The following ZHX2 variants were observed in gnomAD, a reference collection of about 807,000 sequenced individuals.
ZHX2 encodes zinc fingers and homeoboxes 2.
In ZHX2, 6 loss-of-function variants were observed where a neutral mutation model predicts 21.9. The ratio of observed to expected loss-of-function variants is 0.27; its 90% CI spans 0.15 to 0.54. ZHX2 has a LOEUF of 0.54. ZHX2 is among the 20% of genes least tolerant of loss of function. The pLI, the probability that ZHX2 is intolerant of heterozygous loss-of-function variation, is 0.95. For synonymous variants in ZHX2, 434 were observed against 437.1 expected, an observed-to-expected ratio of 0.99 and a Z score of 0.09; for missense variants, 908 against 1,090.7, an observed-to-expected ratio of 0.83 and a Z score of 2.36.
intron 2 of ZHX2, among the ~76,000 whole-genome samples, chr8:122,942,651 T>A (rs753069752): frequency 6.6e-6 from 1 of 151,824 alleles, no homozygotes; most frequent in Non-Finnish European, 1.5e-5. Context: ...ACTCCTCACC[T>A]CCCCCAGATG....
At chr8:122,930,907 T>C (rs4871326) in intron 2 of ZHX2, among the ~76,000 whole-genome samples, 91,423 of 151,752 alleles carry the variant, frequency 0.6, 27,638 homozygotes, top group Admixed American at 0.68. Flanking sequence ...TCCACCAAGA[T>C]GTCACACCAG....
At chr8:122,801,727 A>G (rs897503854) in intron 1 of ZHX2, among the ~76,000 whole-genome samples, 1 of 152,164 alleles carries the variant, frequency 6.6e-6, no homozygotes, top group African/African-American at 2.4e-5. Flanking sequence ...GCTCCAGCCC[A>G]GGCCACAGAG....
At chr8:122,830,111 G>A (rs1279353062) in intron 1 of ZHX2, among the ~76,000 whole-genome samples, 2 of 152,216 alleles carry the variant, frequency 1.3e-5, no homozygotes, top group Admixed American at 6.5e-5. Flanking sequence ...ACAGGAGGCG[G>A]TGTGGAGCAA....
At chr8:122,821,778 C>T (rs760252309) in intron 1 of ZHX2, among the ~76,000 whole-genome samples, 10 of 152,066 alleles carry the variant, frequency 6.6e-5, no homozygotes, top group Non-Finnish European at 1.2e-4. Flanking sequence ...GATCTCGGCT[C>T]ACTGCAACCT....
chr8:122,852,876 G>A (rs1425518444), intron 1 of ZHX2, among the ~76,000 whole-genome samples: 5 of 152,136 alleles, frequency 3.3e-5, no homozygotes, highest in Admixed American at 3.3e-4. Context: ...CCGGGTGCAT[G>A]TGTCCCCTCA....
intron 1 of ZHX2, among the ~76,000 whole-genome samples, chr8:122,839,660 A>G (rs1461092287): frequency 6.6e-6 from 1 of 152,236 alleles, no homozygotes; most frequent in Admixed American, 6.5e-5. Flanking sequence ...GAGTATTTCC[A>G]GAAATCACTG....
Position 122,953,961 on chromosome 8 carries a change from A to C in ZHX2, c.2451A>C (p.Glu817Asp). 1 of 1,613,994 alleles carries C rather than the reference A, an allele frequency of 6.2e-7. No homozygotes were observed. The highest frequency in any genetic ancestry group is 8.5e-7 in the Non-Finnish European group (1 of 1,179,910). Reference protein sequence around the residue: ...RSDSWSQAAAEGVSELAESDS... With the variant: ...RSDSWSQAAADGVSELAESDS... ...ATAGCTGGAGTCAGGCTGCGGCAGA[A>C]GGTGTGTCGGAACTGGCTGAATCAG... is the stretch of plus-strand genomic sequence containing the variant. Residue 817 changes from glutamate (E) to aspartate (D), a missense_variant, in exon 3 of 4, where the codon GAA becomes GAC. Around this residue, in one of 4 missense-constraint regions of ZHX2, gnomAD observed 431 missense variants for 428.6 expected, o/e 1.01. Transcript: ENST00000314393. The surrounding 1 kb of genome is among the most constrained non-coding windows in gnomAD (Gnocchi z 4.6).
intron 2 of ZHX2, among the ~76,000 whole-genome samples, chr8:122,943,451 G>A (rs1478331417): frequency 6.6e-6 from 1 of 152,132 alleles, no homozygotes; most frequent in Non-Finnish European, 1.5e-5. Context: ...TCCACGTAGG[G>A]TTTCTGAGAA....
chr8:122,964,856 T>A (rs924328397), intron 3 of ZHX2, among the ~76,000 whole-genome samples: 2 of 152,040 alleles, frequency 1.3e-5, no homozygotes, highest in African/African-American at 2.4e-5. Flanking sequence ...CTGTTTCTTC[T>A]GGGTTTAATC....
chr8:122,828,093 G>A lies in ZHX2; in HGVS notation c.-282-35384G>A, dbSNP rs549421555. ...CTCTCCACTGCACTCCAGCCTGGGCGACAGTGAGACCCTGTCTCTAAATAA... is the reference window on the plus strand; with the variant it reads ...CTCTCCACTGCACTCCAGCCTGGGCAACAGTGAGACCCTGTCTCTAAATAA... On this transcript the variant is annotated intron_variant, in intron 1 of 3. Coordinates refer to ENST00000314393, the MANE Select transcript of ZHX2 (RefSeq NM_014943.5). This position sits in a 1 kb window ranked among gnomAD's most constrained non-coding sequence, Gnocchi z 5.2. Among the ~76,000 whole-genome samples, 4 of 152,282 alleles carry A rather than the reference G, an allele frequency of 2.6e-5. No individual in the cohort carries two copies. Among genetic ancestry groups the A allele is most frequent in the Admixed American group, 6.5e-5 (1 of 15,298 alleles).
chr8:122,783,244 A>G (rs1817328359), intron 1 of ZHX2, among the ~76,000 whole-genome samples: 1 of 152,100 alleles, frequency 6.6e-6, no homozygotes, highest in Non-Finnish European at 1.5e-5. Context: ...GAAGTCGATG[A>G]ATAAGGACTT....
chr8:122,888,234 G>A (rs374262887), intron 2 of ZHX2, among the ~76,000 whole-genome samples: 1 of 151,238 alleles, frequency 6.6e-6, no homozygotes, highest in African/African-American at 2.5e-5. Context: ...ACACAGAAAC[G>A]GCCCTTGATT....
intron 2 of ZHX2, among the ~76,000 whole-genome samples, chr8:122,875,101 A>G (rs1426315596): frequency 9.5e-6 from 1 of 104,744 alleles, no homozygotes; most frequent in Non-Finnish European, 2.0e-5. Flanking sequence ...CTTGTCTTCA[A>G]CCTGCTTTTA....
intron 2 of ZHX2, among the ~76,000 whole-genome samples, chr8:122,918,628 C>A (rs1024566121): frequency 1.3e-5 from 2 of 152,188 alleles, no homozygotes; most frequent in African/African-American, 4.8e-5. Context: ...TGAAAGCATT[C>A]ATGGGCATGG....
At chr8:122,884,667 G>A (rs966589982) in intron 2 of ZHX2, among the ~76,000 whole-genome samples, 1 of 152,210 alleles carries the variant, frequency 6.6e-6, no homozygotes, top group African/African-American at 2.4e-5. Context: ...GGTCTTCACC[G>A]AGGAGGAGGG....
At chr8:122,891,273 TG>T (rs1563770607) in intron 2 of ZHX2, among the ~76,000 whole-genome samples, 60 of 2,306 alleles carry the variant, frequency 0.026, no homozygotes, top group Non-Finnish European at 0.041. Flanking sequence ...TGGTAGATTG[TG>T]TGTGTGTGTG....
At chr8:122,918,894 G>A (rs1002223918) in intron 2 of ZHX2, among the ~76,000 whole-genome samples, 2 of 150,288 alleles carry the variant, frequency 1.3e-5, no homozygotes, top group African/African-American at 4.9e-5. Context: ...GTTGCAGTGA[G>A]CCGAGATCAC....
chr8:122,864,949 C>G (rs1400623645), intron 2 of ZHX2, among the ~76,000 whole-genome samples: 1 of 152,150 alleles, frequency 6.6e-6, no homozygotes, highest in East Asian at 1.9e-4. Context: ...TACCAAGGGC[C>G]CCTGAGGGCA....
chr8:122,892,760 C>G (rs1473454300), intron 2 of ZHX2, among the ~76,000 whole-genome samples: 2 of 152,210 alleles, frequency 1.3e-5, no homozygotes. Flanking sequence ...TCTTGGCTCA[C>G]TGCAACCTCT....
Sources: gnomAD v4.1 joint callset for allele counts (sites outside exome capture counted in the v4.1 genomes callset) on GRCh38, gnomAD v4.1.1 for gene constraint, gnomAD v4.1.1 regional missense constraint, Gnocchi (gnomAD v3.1) non-coding constraint, MANE v1.5 for transcripts, NCBI Gene and HGNC (gene_info 2026-07-23, HGNC 2026-07-21) for gene names.